Variants in TYR observed in about 807,000 individuals in gnomAD.
The protein encoded by TYR is tyrosinase.
A neutral mutation model predicts 51.5 loss-of-function variants in TYR; 58 were observed. That is an observed-to-expected ratio of 1.13 (90% CI 0.91 to 1.40). The LOEUF (loss-of-function observed/expected upper bound fraction) is 1.40. Among genes scored for constraint, TYR ranks in the 40% most tolerant of loss-of-function variants. TYR has a pLI of 0.00. For synonymous variants in TYR, 263 were observed against 235.2 expected (o/e 1.12, Z -1.08); for missense variants, 732 against 647.4 (o/e 1.13, Z -1.42).
chr11:89,181,763 C>G (rs1943303326), intron 1 of TYR, among the ~76,000 whole-genome samples: 1 of 152,100 alleles, frequency 6.6e-6, no homozygotes, highest in Non-Finnish European at 1.5e-5. Flanking sequence ...GGATGATTGT[C>G]CAAAGTCACA....
At chr11:89,271,974 T>C (rs1453938158) in intron 3 of TYR, among the ~76,000 whole-genome samples, 8 of 151,914 alleles carry the variant, frequency 5.3e-5, no homozygotes, top group Non-Finnish European at 1.5e-5. Flanking sequence ...CTACTTGTAC[T>C]CCAGTTCTGG....
chr11:89,241,474 A>G (rs1797613641), intron 3 of TYR, among the ~76,000 whole-genome samples: 1 of 152,086 alleles, frequency 6.6e-6, no homozygotes, highest in Non-Finnish European at 1.5e-5. Context: ...TGTGTCTGAT[A>G]AATATTTAAG....
intron 2 of TYR, among the ~76,000 whole-genome samples, chr11:89,198,754 CATAT>C (rs144458836): frequency 6.8e-6 from 1 of 146,362 alleles, no homozygotes; most frequent in Non-Finnish European, 1.5e-5. Context: ...ACTTTTTTCT[CATAT>C]ATATATATAT....
intron 3 of TYR, among the ~76,000 whole-genome samples, chr11:89,258,023 A>C (rs1783963): frequency 1 from 152,022 of 152,084 alleles, 75,980 homozygotes; most frequent in Middle Eastern, 1. Context: ...TAACAATGTG[A>C]AATTGTGTTT....
At chr11:89,195,073 AGT>A (rs1277662165) in intron 2 of TYR, among the ~76,000 whole-genome samples, 1 of 152,198 alleles carries the variant, frequency 6.6e-6, no homozygotes, top group Non-Finnish European at 1.5e-5. Context: ...GGAGTACACA[AGT>A]GAATATAGCA....
rs201302469 is a variant in TYR, at chr11:89,280,881, C to T, written c.1185-3892C>T. Among the ~76,000 whole-genome samples, 4 of 151,700 alleles carry T rather than the reference C, an allele frequency of 2.6e-5. No homozygotes were observed. The East Asian group carries it at 5.9e-4, about 22-fold the overall frequency. ...GTTGTTACAGTTTTGAGATGAGAGGCCTCAAGTTTCTCTAGTGTATTTGTT... is the reference window on the plus strand; with the variant it reads ...GTTGTTACAGTTTTGAGATGAGAGGTCTCAAGTTTCTCTAGTGTATTTGTT... On this transcript the variant is annotated intron_variant, in intron 3 of 4. Coordinates refer to ENST00000263321, the MANE Select transcript of TYR (RefSeq NM_000372.5).
In TYR at chr11:89,178,364, C is replaced by T. The variant is rs1323264246; in HGVS notation, c.411C>T (p.Tyr137=). ...SAPEKDKFFA[Y]LTLAKHTISS... ...CAGAGAAGGACAAATTTTTTGCCTA[C>T]CTCACTTTAGCAAAGCATACCATCA... The change falls in exon 1 of 5, where the codon TAC becomes TAT. Residue 137 remains tyrosine (Y), a synonymous_variant. Transcript: ENST00000263321. 2 of 1,613,986 alleles carry T rather than the reference C, an allele frequency of 1.2e-6. No individual in the cohort carries two copies. The highest frequency in any genetic ancestry group is 1.7e-6 in the Non-Finnish European group (2 of 1,179,998).
intron 1 of TYR, among the ~76,000 whole-genome samples, chr11:89,183,090 T>C (rs76966358): frequency 0.014 from 2,151 of 152,180 alleles, 50 homozygotes; most frequent in African/African-American, 0.05. Context: ...CGGTTTACAT[T>C]TTTTCCCCCA....
chr11:89,185,684 A>G (rs1266736834), intron 1 of TYR, among the ~76,000 whole-genome samples: 3 of 152,136 alleles, frequency 2.0e-5, no homozygotes, highest in Non-Finnish European at 2.9e-5. Context: ...TGAACAGTCA[A>G]TGACGGCAGG....
chr11:89,230,420 G>C (rs995984746), intron 3 of TYR, among the ~76,000 whole-genome samples: 1 of 152,092 alleles, frequency 6.6e-6, no homozygotes, highest in African/African-American at 2.4e-5. Flanking sequence ...TAGAAATTGT[G>C]AAACTGCTAG....
intron 3 of TYR, among the ~76,000 whole-genome samples, chr11:89,256,470 T>TGC (rs1944392893): frequency 2.3e-5 from 1 of 43,988 alleles, no homozygotes; most frequent in South Asian, 4.4e-4. Flanking sequence ...TGTGTATATG[T>TGC]GTGTGTGTGT....
chr11:89,280,980 T>C (rs1159470086), intron 3 of TYR, among the ~76,000 whole-genome samples: 5 of 151,796 alleles, frequency 3.3e-5, no homozygotes, highest in Non-Finnish European at 5.9e-5. Flanking sequence ...TCAGCTCTTT[T>C]AGCTGTAATC....
intron 1 of TYR, among the ~76,000 whole-genome samples, chr11:89,186,116 C>A (rs1396698581): frequency 1.3e-5 from 2 of 152,114 alleles, no homozygotes; most frequent in Non-Finnish European, 2.9e-5. Context: ...AATGGAGAAG[C>A]ACAAGCAGTG....
At chr11:89,228,664 G>A (rs540295735) in intron 3 of TYR, among the ~76,000 whole-genome samples, 1 of 152,254 alleles carries the variant, frequency 6.6e-6, no homozygotes, top group South Asian at 2.1e-4. Flanking sequence ...GGCCTGAATA[G>A]TATATGATTA....
At chr11:89,233,215 C>CT (rs1258961242) in intron 3 of TYR, among the ~76,000 whole-genome samples, 3 of 142,698 alleles carry the variant, frequency 2.1e-5, no homozygotes, top group Non-Finnish European at 3.0e-5. Flanking sequence ...AAACTACTTT[C>CT]TTTTTTTAAC....
At chr11:89,258,167 T>C in intron 3 of TYR, among the ~76,000 whole-genome samples, 1 of 152,002 alleles carries the variant, frequency 6.6e-6, no homozygotes, top group East Asian at 1.9e-4. Context: ...AAAATTTTCT[T>C]CTCAAATGGA....
At chr11:89,241,916 C>T (rs1565409959) in intron 3 of TYR, among the ~76,000 whole-genome samples, 1 of 150,218 alleles carries the variant, frequency 6.7e-6, no homozygotes, top group African/African-American at 2.4e-5. Flanking sequence ...GATGAGAAGA[C>T]TGAAGATAAA....
In TYR at chr11:89,295,234, C is replaced by T. The variant is rs370870806; in HGVS notation, c.1458C>T (p.Ala486=). The T allele has an allele frequency of 1.4e-5, 23 of 1,613,848 alleles. No individual in the cohort carries two copies. The highest frequency in any genetic ancestry group is 4.5e-5 in the East Asian group (2 of 44,876). ...SWLLGAAMVG[A]VLTALLAGLV... The stretch of plus-strand genomic sequence containing the variant: ...TCCTTGGGGCGGCGATGGTAGGGGC[C>T]GTCCTCACTGCCCTGCTGGCAGGGC... The change falls in exon 5 of 5, where the codon GCC becomes GCT. Residue 486 remains alanine (A), a synonymous_variant. Transcript: ENST00000263321.
At chr11:89,195,983 G>A (rs1034966196) in intron 2 of TYR, among the ~76,000 whole-genome samples, 3 of 152,010 alleles carry the variant, frequency 2.0e-5, no homozygotes, top group African/African-American at 7.3e-5. Flanking sequence ...AAACTGACTA[G>A]GATTACATCC....
Sources: allele counts gnomAD v4.1 joint callset (sites outside exome capture counted in the v4.1 genomes callset), GRCh38; gene constraint gnomAD v4.1.1; transcripts MANE v1.5; gene names NCBI Gene and HGNC (gene_info 2026-07-23, HGNC 2026-07-21).